Variants in PSEN2 observed in about 807,000 individuals in gnomAD.
PSEN2 encodes presenilin 2.
Under a neutral mutation model 49.1 loss-of-function variants are expected in PSEN2, and 32 were observed. The ratio of observed to expected loss-of-function variants is 0.65; its 90% CI spans 0.49 to 0.88. The LOEUF (loss-of-function observed/expected upper bound fraction) is 0.88. Among genes scored for constraint, PSEN2 ranks in the 40% least tolerant of loss-of-function variants. The pLI, the probability that PSEN2 is intolerant of heterozygous loss-of-function variation, is 0.00. For synonymous variants in PSEN2, 255 were observed against 244.0 expected (o/e 1.05, Z -0.42); for missense variants, 522 against 586.9 (o/e 0.89, Z 1.14).
At chr1:226,900,851 T>C (rs770364065), downstream of PSEN2, among the ~76,000 whole-genome samples, 10 of 152,152 alleles carry the variant, frequency 6.6e-5, no homozygotes, top group Non-Finnish European at 1.2e-4. Context: ...ACAGTGACAG[T>C]AGCAAACCCT....
chr1:226,888,234 T>C lies in PSEN2; in HGVS notation c.566+76T>C, dbSNP rs1661502640. ...ACAAGTGGACATGGGCATGAGGACC[T>C]GGGCGGGGAAAGATGACCATCGAGC... On this transcript the variant is annotated intron_variant, in intron 7 of 12. Transcript: ENST00000366783. 2.2e-6 allele frequency: 3 copies of C among 1,342,482 alleles called. No individual in the cohort carries two copies. The Admixed American group carries it at 5.0e-5, about 23-fold the overall frequency. 83.2% of individuals were successfully genotyped at this position (1,342,482 alleles called of 1,614,324 possible).
intron 4 of PSEN2, among the ~76,000 whole-genome samples, chr1:226,882,697 T>C (rs1661078772): frequency 6.6e-6 from 1 of 152,320 alleles, no homozygotes; most frequent in Non-Finnish European, 1.5e-5. Flanking sequence ...GTCTTAATCC[T>C]GCTTGCTGAA....
At chr1:226,889,962 T>A in intron 8 of PSEN2, 73 bp from the exon 9 acceptor site, 1 of 1,225,752 alleles carries the variant, frequency 8.2e-7, no homozygotes. Flanking sequence ...CCGGGGCTCC[T>A]GTGCTACAGG....
At chr1:226,895,385 A>G (rs2102698386) in intron 12 of PSEN2, 39 bp from the exon 13 acceptor site, 2 of 1,612,694 alleles carry the variant, frequency 1.2e-6, no homozygotes, top group Non-Finnish European at 1.7e-6. Flanking sequence ...TGTCCACACC[A>G]GGGATCACCA....
At chr1:226,893,875 C>G (rs1661921821) in intron 11 of PSEN2, 132 bp from the exon 12 acceptor site, 1 of 786,572 alleles carries the variant, frequency 1.3e-6, no homozygotes, top group South Asian at 1.5e-5. Flanking sequence ...CAGTCCACAT[C>G]TTAGCTTCTA....
intron 2 of PSEN2, among the ~76,000 whole-genome samples, chr1:226,872,578 G>GAGCA (rs1660372990): frequency 6.6e-6 from 1 of 152,174 alleles, no homozygotes; most frequent in Non-Finnish European, 1.5e-5. Flanking sequence ...GAGTCCCCAT[G>GAGCA]AGCAACTTCC....
downstream of PSEN2, chr1:226,899,302 T>C (rs2102703020): frequency 6.6e-6 from 1 of 152,338 alleles, no homozygotes; most frequent in South Asian, 2.1e-4. Context: ...ATTTTGTTTT[T>C]CTTTGTAACC....
intron 12 of PSEN2, 71 bp from the exon 13 acceptor site, chr1:226,895,353 C>T: frequency 6.3e-7 from 1 of 1,577,636 alleles, no homozygotes; most frequent in South Asian, 1.1e-5. Flanking sequence ...TGCCCAGGGA[C>T]TAGACCATGA....
chr1:226,891,052 TA>T (rs1479284453), intron 9 of PSEN2: 1 of 577,260 alleles, frequency 1.7e-6, no homozygotes, highest in Non-Finnish European at 3.1e-6. Context: ...ACCTGGTTCT[TA>T]TGCTTTAGGA....
In PSEN2 at chr1:226,895,299, G is replaced by T. The variant is rs951868300; in HGVS notation, c.1192-125G>T. On this transcript the variant is annotated intron_variant, in intron 12 of 12. Transcript: ENST00000366783. Reference sequence around the variant, plus strand: ...GTTGCAGGACCAGGGAAGATAATGGGGTGTCTAGCGCCGTTATCCGACTGG... The same window carrying T: ...GTTGCAGGACCAGGGAAGATAATGGTGTGTCTAGCGCCGTTATCCGACTGG... The T allele has an allele frequency of 1.3e-5, 14 of 1,048,756 alleles. No homozygotes were observed. The East Asian group carries it at 3.6e-4, about 27-fold the overall frequency. 65.0% of individuals were successfully genotyped at this position (1,048,756 alleles called of 1,614,324 possible). A position where few individuals can be genotyped will look rare whatever the true frequency, so the allele number is the denominator to read the frequency against.
intron 8 of PSEN2, among the ~76,000 whole-genome samples, chr1:226,889,259 T>G (rs1661578931): frequency 6.6e-6 from 1 of 151,910 alleles, no homozygotes; most frequent in Admixed American, 6.6e-5. Flanking sequence ...TAAAACGCAG[T>G]AGTCACTGAG....
intron 3 of PSEN2, among the ~76,000 whole-genome samples, chr1:226,878,802 T>C (rs757172861): frequency 6.6e-5 from 10 of 152,222 alleles, no homozygotes; most frequent in African/African-American, 1.2e-4. Flanking sequence ...AAGAGCCACC[T>C]GTACAGCCTC....
chr1:226,890,409 G>T (rs1661666388), intron 9 of PSEN2, among the ~76,000 whole-genome samples: 1 of 152,226 alleles, frequency 6.6e-6, no homozygotes, highest in East Asian at 1.9e-4. Context: ...TTGCATTCCT[G>T]TGATCCCGCA....
intron 8 of PSEN2, 140 bp from the exon 9 acceptor site, chr1:226,889,895 G>T: frequency 1.4e-6 from 1 of 737,532 alleles, no homozygotes. Flanking sequence ...AGTTGTGACT[G>T]GAGAATGAGA....
intron 3 of PSEN2, among the ~76,000 whole-genome samples, chr1:226,878,114 C>T (rs1003113297): frequency 4.6e-5 from 7 of 151,736 alleles, no homozygotes; most frequent in East Asian, 1.9e-4. Flanking sequence ...GAGTCTCACT[C>T]TGTCGCCCAG....
chr1:226,888,954 A>T lies in PSEN2; in HGVS notation c.692A>T (p.Tyr231Phe), dbSNP rs200754713. 3.1e-6 allele frequency: 5 copies of T among 1,613,982 alleles called. No individual in the cohort carries two copies. The part of the protein sequence containing the change: ...WKGPLVLQQA[Y>F]LIMISALMAL... ...GGCCCTCTGGTGCTGCAGCAGGCCT[A>T]CCTCATCATGATCAGTGCGCTCATG... Residue 231 changes from tyrosine (Y) to phenylalanine (F), a missense_variant, in exon 8 of 13, where the codon TAC (tyrosine) becomes TTC (phenylalanine). Transcript: ENST00000366783.
rs2102672806 is a variant in PSEN2, at chr1:226,883,870, G to A, written c.307G>A (p.Val103Ile). Residue 103 changes from valine (V) to isoleucine (I), a missense_variant, in exon 5 of 13, where the codon GTA (valine) becomes ATA (isoleucine). By Grantham distance (29) the Val-to-Ile change is conservative. Coordinates refer to ENST00000366783, the MANE Select transcript of PSEN2 (RefSeq NM_000447.3). ...TGTCACTCTGTGCATGATCGTGGTG[G>A]TAGCCACCATCAAGTCTGTGCGCTT... The part of the protein sequence containing the change: ...VPVTLCMIVV[V>I]ATIKSVRFYT... 2 of 1,606,068 alleles carry A rather than the reference G, an allele frequency of 1.2e-6. No individual in the cohort carries two copies. The highest frequency in any genetic ancestry group is 1.7e-6 in the Non-Finnish European group (2 of 1,175,284).
intron 12 of PSEN2, among the ~76,000 whole-genome samples, chr1:226,894,776 A>G (rs1662015154): frequency 6.6e-6 from 1 of 152,204 alleles, no homozygotes; most frequent in Non-Finnish European, 1.5e-5. Flanking sequence ...TGGGCATGGC[A>G]TGATTAAGGT....
Position 226,891,083 on chromosome 1 carries a change from G to A in PSEN2, c.887-195G>A, listed in dbSNP as rs1661707805. On this transcript the variant is annotated intron_variant, in intron 9 of 12. Transcript: ENST00000366783. The stretch of plus-strand genomic sequence containing the variant: ...TTAGGAGGGGAGACAAACAGTAACA[G>A]AATAGACAAATGCAAGAGAGAGTGA... The A allele has an allele frequency of 3.1e-5, 19 of 614,416 alleles. No homozygotes were observed. In the South Asian group the frequency reaches 3.4e-4, roughly 11 times the overall value. 38.1% of individuals were successfully genotyped at this position (614,416 alleles called of 1,614,324 possible).
Sources: gnomAD v4.1 joint callset for allele counts (sites outside exome capture counted in the v4.1 genomes callset) on GRCh38, gnomAD v4.1.1 for gene constraint, MANE v1.5 for transcripts, NCBI Gene and HGNC (gene_info 2026-07-23, HGNC 2026-07-21) for gene names.